The following ADGRV1 variants were observed in gnomAD, a reference collection of about 807,000 sequenced individuals.
ADGRV1 encodes the protein adhesion G protein-coupled receptor V1, also known as G-protein coupled receptor 98.
ADGRV1 carries 359 observed loss-of-function variants against 596.2 expected under a neutral mutation model. The ratio of observed to expected loss-of-function variants is 0.60; its 90% CI spans 0.55 to 0.66. The LOEUF is 0.66. Ranked by LOEUF, ADGRV1 falls within the 30% of genes least tolerant of loss-of-function variation. ADGRV1 has a pLI of 0.00. For missense variants in ADGRV1, 7,274 were observed against 7,575.6 expected (o/e 0.96, Z 1.48); for synonymous variants, 2,681 against 2,679.2 (o/e 1.00, Z -0.02).
intron 17 of ADGRV1, among the ~76,000 whole-genome samples, chr5:90,651,264 C>G (rs1057162077): frequency 1.3e-5 from 2 of 152,002 alleles, no homozygotes; most frequent in African/African-American, 4.8e-5. Flanking sequence ...TTTTTAATTT[C>G]TAATTAAGCT....
chr5:90,727,660 G>A (rs1235792433), intron 48 of ADGRV1, among the ~76,000 whole-genome samples: 1 of 152,126 alleles, frequency 6.6e-6, no homozygotes, highest in Admixed American at 6.5e-5. Context: ...GGAAAGTACT[G>A]GATTATGCCT....
At chr5:90,641,203 G>A (rs1766928245) in intron 11 of ADGRV1, among the ~76,000 whole-genome samples, 1 of 152,144 alleles carries the variant, frequency 6.6e-6, no homozygotes, top group African/African-American at 2.4e-5. Flanking sequence ...TTACTGTGCT[G>A]TACTTCTGAA....
At chr5:90,595,349 C>T (rs1247420737) in intron 1 of ADGRV1, among the ~76,000 whole-genome samples, 15 of 54,534 alleles carry the variant, frequency 2.8e-4, no homozygotes, top group African/African-American at 5.3e-4. Flanking sequence ...CTGACCCCCC[C>T]ACCTCCCTCC....
chr5:90,750,530 ACTTT>A lies in ADGRV1; in HGVS notation c.10975-18_10975-15del, dbSNP rs1314431775. 3.8e-6 allele frequency: 6 copies of A among 1,584,642 alleles called. No individual in the cohort carries two copies. In the Admixed American group the frequency reaches 1.1e-4, roughly 28 times the overall value. On this transcript the variant is annotated splice_polypyrimidine_tract_variant and intron_variant, in intron 52 of 89. Transcript: ENST00000405460. ...AGGTAATTTCAGGGAACCCCTTGTG[ACTTT>A]CTGTGTATTTTTTCAGAATTCATTA...
At chr5:91,060,398 A>ATATATATATAT (rs796332430) in intron 85 of ADGRV1, among the ~76,000 whole-genome samples, 2 of 60,476 alleles carry the variant, frequency 3.3e-5, no homozygotes, top group African/African-American at 9.3e-5. Context: ...ATATATATAT[A>ATATATATATAT]TTTTTTTTTT....
At chr5:90,932,624 A>T (rs1775347081) in intron 83 of ADGRV1, among the ~76,000 whole-genome samples, 1 of 152,166 alleles carries the variant, frequency 6.6e-6, no homozygotes, top group Non-Finnish European at 1.5e-5. Context: ...ATTCTCCCTG[A>T]TATTTATTTT....
In ADGRV1 at chr5:90,629,429, A is replaced by G. The variant is rs1257651448; in HGVS notation, c.1729A>G (p.Ile577Val). Reference sequence around the variant, plus strand: ...GCAAGCAAAAGAAGGCATCTTAAATATATCAAGGAGAAATGACCTCATTTT... The same window carrying G: ...GCAAGCAAAAGAAGGCATCTTAAATGTATCAAGGAGAAATGACCTCATTTT... ...PLQAKEGILN[I>V]SRRNDLIFPE... is the part of the protein sequence containing the mutation. The change falls in exon 9 of 90, where the codon ATA becomes GTA. Residue 577 changes from isoleucine (I) to valine (V), a missense_variant. Ile to Val is a conservative substitution (Grantham distance 29). Coordinates refer to ENST00000405460, the MANE Select transcript of ADGRV1 (RefSeq NM_032119.4). 1.9e-6 allele frequency: 3 copies of G among 1,613,750 alleles called. No individual in the cohort carries two copies. Among genetic ancestry groups the G allele is most frequent in the South Asian group, 1.1e-5 (1 of 91,078 alleles).
intron 87 of ADGRV1, among the ~76,000 whole-genome samples, chr5:91,107,516 A>T (rs1204683030): frequency 6.6e-6 from 1 of 152,098 alleles, no homozygotes; most frequent in Non-Finnish European, 1.5e-5. Flanking sequence ...ACTACTCTGG[A>T]GCTGAAAGTG....
intron 85 of ADGRV1, among the ~76,000 whole-genome samples, chr5:91,048,298 A>G (rs1299166360): frequency 6.6e-6 from 1 of 152,248 alleles, no homozygotes; most frequent in Non-Finnish European, 1.5e-5. Context: ...AGAAGGTTCT[A>G]TCAGACAAGA....
Position 90,647,571 on chromosome 5 carries a change from G to C in ADGRV1, c.3096G>C (p.Val1032=), listed in dbSNP as rs774826704. Residue 1032 remains valine (V), a synonymous_variant, in exon 17 of 90, where the codon GTG becomes GTC. Transcript: ENST00000405460. Reference sequence around the variant, plus strand: ...TTCTCAGAAATGGATCTGTTGATGTGACTTGCATGGTCCAGTATGCTACCA... The same window carrying C: ...TTCTCAGAAATGGATCTGTTGATGTCACTTGCATGGTCCAGTATGCTACCA... ...FTVLRNGSVD[V]TCMVQYATKD... 5 of 1,613,774 alleles carry C rather than the reference G, an allele frequency of 3.1e-6. No individual in the cohort carries two copies. The African/African-American group carries it at 5.3e-5, about 17-fold the overall frequency.
At chr5:90,837,429 G>T (rs1174664089) in intron 77 of ADGRV1, among the ~76,000 whole-genome samples, 1 of 147,222 alleles carries the variant, frequency 6.8e-6, no homozygotes, top group Non-Finnish European at 1.5e-5. Context: ...GGAGTGCAAT[G>T]GTGCGATCTT....
intron 85 of ADGRV1, among the ~76,000 whole-genome samples, chr5:91,000,944 C>T (rs1781808279): frequency 6.6e-6 from 1 of 152,210 alleles, no homozygotes; most frequent in South Asian, 2.1e-4. Flanking sequence ...ATAAGGCCCA[C>T]CCACAGTAGG....
At chr5:90,976,320 G>GTATATATATATATA (rs1250040638) in intron 84 of ADGRV1, among the ~76,000 whole-genome samples, 10 of 110,406 alleles carry the variant, frequency 9.1e-5, no homozygotes, top group African/African-American at 3.6e-4. Flanking sequence ...GTGTGTGTGT[G>GTATATATATATATA]TGTATATATA....
intron 86 of ADGRV1, among the ~76,000 whole-genome samples, chr5:91,086,448 C>T (rs1789882866): frequency 6.6e-6 from 1 of 152,058 alleles, no homozygotes. Context: ...TTTTCCTAAC[C>T]TAAAAGCTAG....
At chr5:90,591,174 T>C (rs997551873) in intron 1 of ADGRV1, among the ~76,000 whole-genome samples, 18 of 152,120 alleles carry the variant, frequency 1.2e-4, no homozygotes, top group African/African-American at 4.1e-4. Context: ...GGTGGATCAC[T>C]TGAGGCCAGG....
At chr5:90,971,628 A>C (rs866820192) in intron 84 of ADGRV1, among the ~76,000 whole-genome samples, 4 of 152,176 alleles carry the variant, frequency 2.6e-5, no homozygotes. Context: ...GAGAAATAAA[A>C]TCCTTTACAG....
At chr5:90,804,174 G>A (rs1761678729) in intron 71 of ADGRV1, among the ~76,000 whole-genome samples, 2 of 152,282 alleles carry the variant, frequency 1.3e-5, no homozygotes, top group East Asian at 1.9e-4. Context: ...AGGCCCAGGT[G>A]GGTGAATCCC....
intron 77 of ADGRV1, among the ~76,000 whole-genome samples, chr5:90,838,652 A>G (rs1262045027): frequency 6.6e-6 from 1 of 152,116 alleles, no homozygotes; most frequent in Admixed American, 6.6e-5. Context: ...TCCACCATTC[A>G]TTATCCATTT....
chr5:90,884,327 C>T (rs569727767), intron 83 of ADGRV1, among the ~76,000 whole-genome samples: 1 of 152,284 alleles, frequency 6.6e-6, no homozygotes, highest in Non-Finnish European at 1.5e-5. Flanking sequence ...AGTACCACTA[C>T]TCTAAACAAC....
Sources: gnomAD v4.1 joint callset for allele counts (sites outside exome capture counted in the v4.1 genomes callset) on GRCh38, gnomAD v4.1.1 for gene constraint, MANE v1.5 for transcripts, NCBI Gene and HGNC (gene_info 2026-07-23, HGNC 2026-07-21) for gene names.